The following MYO9A variants were observed in gnomAD, a reference collection of about 807,000 sequenced individuals.
MYO9A encodes the protein myosin IXA.
Under a neutral mutation model 293.3 loss-of-function variants are expected in MYO9A, and 103 were observed. That is an observed-to-expected ratio of 0.35 (90% confidence interval 0.30 to 0.41). The LOEUF is 0.41. Ranked by LOEUF, MYO9A falls within the 10% of genes least tolerant of loss-of-function variation. MYO9A has a pLI of 1.00. For synonymous variants in MYO9A, 1,001 were observed against 1,035.7 expected (o/e 0.97, Z 0.64); for missense variants, 2,685 against 3,033.0 (o/e 0.89, Z 2.69).
intron 14 of MYO9A, among the ~76,000 whole-genome samples, chr15:71,954,800 T>G (rs1431185018): frequency 6.6e-6 from 1 of 152,250 alleles, no homozygotes; most frequent in East Asian, 1.9e-4. Flanking sequence ...TTGAAGGACT[T>G]GGACTATGTA....
intron 33 of MYO9A, 85 bp downstream of exon 33, chr15:71,862,415 T>C: frequency 9.4e-7 from 1 of 1,060,982 alleles, no homozygotes; most frequent in Non-Finnish European, 1.4e-6. Context: ...AAATAACTCC[T>C]TTATGTTAAA....
intron 1 of MYO9A, among the ~76,000 whole-genome samples, chr15:72,080,501 A>T (rs2079511708): frequency 6.6e-6 from 1 of 151,948 alleles, no homozygotes; most frequent in African/African-American, 2.4e-5. Flanking sequence ...GGAGACAGTA[A>T]GAGCCAGAAA....
intron 13 of MYO9A, among the ~76,000 whole-genome samples, chr15:71,963,685 C>T (rs1943660782): frequency 6.6e-6 from 1 of 151,536 alleles, no homozygotes; most frequent in Non-Finnish European, 1.5e-5. Context: ...CTCCTGACCT[C>T]AGGTGATCTG....
At chr15:71,998,879 T>C (rs985430414) in intron 9 of MYO9A, 1 of 152,140 alleles carries the variant, frequency 6.6e-6, no homozygotes, top group African/African-American at 2.4e-5. Context: ...ATTTCCAATT[T>C]CACCCATGTC....
chr15:71,916,212 T>C (rs973080013), intron 19 of MYO9A, among the ~76,000 whole-genome samples, 158 bp downstream of exon 19: 1 of 152,150 alleles, frequency 6.6e-6, no homozygotes, highest in African/African-American at 2.4e-5. Context: ...TTTTTTTTTT[T>C]CATCTTTGGT....
At position 72,027,754 on chromosome 15, in the gene MYO9A, G is replaced by A. The variant is rs763797523; in HGVS notation, c.975C>T (p.Leu325=). 13 of 1,608,544 alleles carry A rather than the reference G, an allele frequency of 8.1e-6. No homozygotes were observed. The highest frequency in any genetic ancestry group is 4.5e-5 in the South Asian group (4 of 89,816). Residue 325 remains leucine (L), a synonymous_variant, in exon 4 of 42, where the codon CTC becomes CTT. Transcript: ENST00000356056. ...ACCGTTCATTATGCTCCTGATAAAC[G>A]AGTCTGGACTTCTCCAGTAGATATT... ...VEKYLLEKSR[L]VYQEHNERNY...
At chr15:71,925,900 G>A (rs1488998120) in intron 18 of MYO9A, among the ~76,000 whole-genome samples, 1 of 152,168 alleles carries the variant, frequency 6.6e-6, no homozygotes, top group Non-Finnish European at 1.5e-5. Flanking sequence ...ACTTCTACCA[G>A]TGAGTTTTAT....
chr15:71,835,205 A>C (rs911863337), intron 39 of MYO9A, among the ~76,000 whole-genome samples: 1 of 152,212 alleles, frequency 6.6e-6, no homozygotes, highest in Non-Finnish European at 1.5e-5. Context: ...CTTGGTGGTA[A>C]AAGGTTGAAA....
At chr15:72,100,845 C>T in intron 1 of MYO9A, among the ~76,000 whole-genome samples, 1 of 151,284 alleles carries the variant, frequency 6.6e-6, no homozygotes, top group Non-Finnish European at 1.5e-5. Flanking sequence ...TCCGCCCGGC[C>T]AGCCGCCCCG....
rs1181918939 is a variant in MYO9A at position 72,094,312 on chromosome 15, T to C, written c.-72+23368A>G. Among the ~76,000 whole-genome samples the C allele has an allele frequency of 5.6e-5, 5 of 89,840 alleles. 1 individual carries two copies. Among genetic ancestry groups the C allele is most frequent in the African/African-American group, 1.3e-4 (5 of 38,404 alleles). 58.9% of individuals were successfully genotyped at this position (89,840 alleles called of 152,430 possible). ...CATAAGAGTAAGAAAATCTAACATA[T>C]ATAGACATACCTCATTTTATCGCAC... On this transcript the variant is annotated intron_variant, in intron 1 of 41. Coordinates refer to ENST00000356056, the MANE Select transcript of MYO9A (RefSeq NM_006901.4).
At chr15:71,839,664 C>A (rs1446936928) in intron 39 of MYO9A, among the ~76,000 whole-genome samples, 2 of 152,134 alleles carry the variant, frequency 1.3e-5, no homozygotes, top group Non-Finnish European at 2.9e-5. Flanking sequence ...CCTGCCTTGG[C>A]CTTCCAAAGT....
intron 8 of MYO9A, among the ~76,000 whole-genome samples, 174 bp downstream of exon 8, chr15:72,007,652 A>G (rs1161547910): frequency 6.6e-6 from 1 of 152,194 alleles, no homozygotes; most frequent in African/African-American, 2.4e-5. Flanking sequence ...CCAATAGCAA[A>G]CTGAGGCAGG....
chr15:71,874,591 AAAGT>A (rs1225530048), intron 32 of MYO9A, among the ~76,000 whole-genome samples: 1 of 152,242 alleles, frequency 6.6e-6, no homozygotes, highest in African/African-American at 2.4e-5. Context: ...TTATGTTTAA[AAAGT>A]AACTATGGCT....
intron 13 of MYO9A, among the ~76,000 whole-genome samples, chr15:71,960,724 A>T (rs1001628803): frequency 6.6e-6 from 1 of 152,220 alleles, no homozygotes; most frequent in Non-Finnish European, 1.5e-5. Context: ...AAGTTAGAAT[A>T]AATATTCTAT....
intron 23 of MYO9A, 28 bp from the exon 24 acceptor site, chr15:71,900,034 T>C: frequency 6.4e-7 from 1 of 1,570,300 alleles, no homozygotes; most frequent in East Asian, 2.3e-5. Flanking sequence ...TAACAGAAAC[T>C]GGTTGTCATA....
intron 2 of MYO9A, among the ~76,000 whole-genome samples, chr15:72,035,484 A>G (rs2078016909): frequency 6.6e-6 from 1 of 152,226 alleles, no homozygotes; most frequent in Non-Finnish European, 1.5e-5. Flanking sequence ...ATGAATTTCA[A>G]AGATACAACA....
intron 18 of MYO9A, among the ~76,000 whole-genome samples, chr15:71,925,322 TACATATATAC>T (rs1290911498): frequency 4.3e-5 from 1 of 23,292 alleles, no homozygotes; most frequent in Non-Finnish European, 2.1e-4. Flanking sequence ...TACGTATATG[TACATATATAC>T]GTATATGTAC....
At chr15:71,838,714 C>A (rs2055033602) in intron 39 of MYO9A, among the ~76,000 whole-genome samples, 1 of 152,162 alleles carries the variant, frequency 6.6e-6, no homozygotes, top group Non-Finnish European at 1.5e-5. Flanking sequence ...TCAGAAAAAT[C>A]TGGACTGGAC....
At chr15:72,111,003 C>G (rs1043712638) in intron 1 of MYO9A, among the ~76,000 whole-genome samples, 2 of 151,706 alleles carry the variant, frequency 1.3e-5, no homozygotes, top group Non-Finnish European at 2.9e-5. Context: ...ACTAAAAATA[C>G]AAAAAATTAG....
Sources: allele counts gnomAD v4.1 joint callset (sites outside exome capture counted in the v4.1 genomes callset), GRCh38; gene constraint gnomAD v4.1.1; transcripts MANE v1.5; gene names NCBI Gene and HGNC (gene_info 2026-07-23, HGNC 2026-07-21).